Variants in LRRC37A2 observed in about 807,000 individuals in gnomAD.
The protein encoded by LRRC37A2 is leucine-rich repeat-containing protein 37A2.
A neutral mutation model predicts 68.8 loss-of-function variants in LRRC37A2; 9 were observed. The ratio of observed to expected loss-of-function variants is 0.13; its 90% CI spans 0.08 to 0.23. The LOEUF is 0.23. LRRC37A2 is among the 10% of genes least tolerant of loss of function. The pLI, the probability that LRRC37A2 is intolerant of heterozygous loss-of-function variation, is 1.00. For missense variants in LRRC37A2, 168 were observed against 950.4 expected (o/e 0.18, Z 10.82); for synonymous variants, 63 against 367.6 (o/e 0.17, Z 9.48).
the LRRC37A2 span, among the ~76,000 whole-genome samples, chr17:47,041,387 A>ATT: frequency 4.3e-4 from 6 of 13,870 alleles, no homozygotes; most frequent in South Asian, 3.3e-3. Context: ...ATTATGGTCA[A>ATT]TTTTTTTTTT....
chr17:47,010,264 G>A, the LRRC37A2 span, among the ~76,000 whole-genome samples: 8 of 152,200 alleles, frequency 5.3e-5, no homozygotes, highest in African/African-American at 1.9e-4. Flanking sequence ...GAGCTGAGCA[G>A]CTCCACCAGC....
chr17:47,018,529 G>A, the LRRC37A2 span: 3 of 1,520,654 alleles, frequency 2.0e-6, no homozygotes, highest in Admixed American at 1.7e-5. Context: ...TCAGGGTCAG[G>A]TAATGATGTA....
chr17:46,902,461 C>CATGTGTGT, the LRRC37A2 span, among the ~76,000 whole-genome samples: 429 of 148,104 alleles, frequency 2.9e-3, 2 homozygotes, highest in African/African-American at 0.01. Flanking sequence ...GGGAACAGTG[C>CATGTGTGT]GTGTGTGTGT....
downstream of LRRC37A2, among the ~76,000 whole-genome samples, chr17:46,558,553 ATTTT>A (rs58227880): frequency 1.0e-5 from 1 of 100,248 alleles, no homozygotes; most frequent in Non-Finnish European, 2.0e-5. Flanking sequence ...TGCCCGGCCA[ATTTT>A]TTTTTTTTTT....
the LRRC37A2 span, among the ~76,000 whole-genome samples, chr17:46,778,277 CA>C: frequency 6.6e-6 from 1 of 152,196 alleles, no homozygotes; most frequent in Non-Finnish European, 1.5e-5. Flanking sequence ...TCAGTCCTCA[CA>C]GGGGTGGCAG....
chr17:46,697,680 CTA>C, the LRRC37A2 span, among the ~76,000 whole-genome samples: 1 of 147,214 alleles, frequency 6.8e-6, no homozygotes, highest in Non-Finnish European at 1.5e-5. Context: ...CATTCAGGGA[CTA>C]TGTTTTTATT....
chr17:46,880,612 C>T, the LRRC37A2 span, among the ~76,000 whole-genome samples: 5 of 152,126 alleles, frequency 3.3e-5, no homozygotes, highest in African/African-American at 7.2e-5. Flanking sequence ...ACATGGTCCC[C>T]GTAATGGATA....
chr17:46,865,541 G>T, the LRRC37A2 span, among the ~76,000 whole-genome samples: 2 of 152,172 alleles, frequency 1.3e-5, no homozygotes, highest in Non-Finnish European at 2.9e-5. Context: ...AGGAGTAGGG[G>T]TTGGGGAGCC....
chr17:46,954,473 GC>G, the LRRC37A2 span, among the ~76,000 whole-genome samples: 1 of 152,192 alleles, frequency 6.6e-6, no homozygotes, highest in Non-Finnish European at 1.5e-5. Context: ...GCAGTGTGAT[GC>G]CTCCAGCTTT....
At chr17:46,558,936 T>C (rs1250967178), downstream of LRRC37A2, 1 of 104,952 alleles carries the variant, frequency 9.5e-6, no homozygotes, top group Non-Finnish European at 1.8e-5. Context: ...CCTTGGTCTC[T>C]CAACGTACTG....
Position 46,534,814 on chromosome 17 carries a change from C to T in LRRC37A2, c.2907-5362C>T, listed in dbSNP as rs1208982950. ...CCCACCTCCCGGAGGGGGCGGCTGG[C>T]CAGGCGGGGGCTGGCCCCCACCTCC... On this transcript the variant is annotated intron_variant, in intron 6 of 14. Transcript: ENST00000576629. 1.4e-5 allele frequency among the ~76,000 whole-genome samples: 2 copies of T among 147,368 alleles called. 1 individual carries two copies. Among genetic ancestry groups the T allele is most frequent in the African/African-American group, 5.3e-5 (2 of 37,462 alleles).
the LRRC37A2 span, among the ~76,000 whole-genome samples, chr17:46,949,949 C>T: frequency 2.0e-5 from 3 of 152,298 alleles, no homozygotes; most frequent in African/African-American, 7.2e-5. Flanking sequence ...TAGTCCCTGC[C>T]CTCCTCCAGT....
the LRRC37A2 span, among the ~76,000 whole-genome samples, chr17:47,036,625 C>T: frequency 2.7e-5 from 4 of 150,752 alleles, no homozygotes; most frequent in Non-Finnish European, 5.9e-5. Context: ...TGTTGTAGCA[C>T]CCTTGTCAAA....
the LRRC37A2 span, among the ~76,000 whole-genome samples, chr17:47,032,361 T>C: frequency 6.7e-6 from 1 of 150,278 alleles, no homozygotes; most frequent in African/African-American, 2.4e-5. Context: ...ATTTCTATTT[T>C]GCAGATGAGG....
chr17:46,811,101 G>C, the LRRC37A2 span, among the ~76,000 whole-genome samples: 1 of 152,108 alleles, frequency 6.6e-6, no homozygotes. Context: ...ACTCCTCCCG[G>C]CTGTACAGGC....
At chr17:46,846,452 G>T in the LRRC37A2 span, among the ~76,000 whole-genome samples, 2 of 152,242 alleles carry the variant, frequency 1.3e-5, no homozygotes, top group Admixed American at 1.3e-4. Context: ...ACATAGCAGG[G>T]ATGCCTAATC....
chr17:46,911,839 C>T, the LRRC37A2 span, among the ~76,000 whole-genome samples: 3 of 152,154 alleles, frequency 2.0e-5, no homozygotes, highest in Admixed American at 2.0e-4. Context: ...GCCGAGATCA[C>T]GCCACTGCAC....
the LRRC37A2 span, among the ~76,000 whole-genome samples, chr17:46,779,041 G>T: frequency 3.0e-5 from 2 of 66,054 alleles, no homozygotes; most frequent in African/African-American, 6.5e-5. Flanking sequence ...TTATTCCCCG[G>T]TCCCTACCCC....
In LRRC37A2 at chr17:46,529,639, A is replaced by G. The variant is rs536815278; in HGVS notation, c.2906+5755A>G. Among the ~76,000 whole-genome samples the G allele has an allele frequency of 6.4e-3, 468 of 73,382 alleles. 83 individuals are homozygous for G. Among genetic ancestry groups the G allele is most frequent in the African/African-American group, 0.017 (430 of 25,758 alleles). The allele number at this position is 73,382 out of a possible 152,430, so 48.1% of individuals were successfully genotyped here. ...GCCTGGGCAACAAAGTGAGACCCCA[A>G]TCTCTACAAAAAGACTTTTAAAAAG... is the stretch of plus-strand genomic sequence containing the variant. On this transcript the variant is annotated intron_variant, in intron 6 of 14. Coordinates refer to ENST00000576629, the Ensembl canonical transcript of LRRC37A2.
Sources: gnomAD v4.1 joint callset for allele counts (sites outside exome capture counted in the v4.1 genomes callset) on GRCh38, gnomAD v4.1.1 for gene constraint, MANE v1.5 for transcripts, NCBI Gene and HGNC (gene_info 2026-07-23, HGNC 2026-07-21) for gene names.